Variants in SLIT2 observed in about 807,000 individuals in gnomAD.
SLIT2 encodes slit homolog 2 protein.
Under a neutral mutation model 185.7 loss-of-function variants are expected in SLIT2, and 41 were observed. The observed-to-expected ratio is 0.22, with a 90% CI of 0.17 to 0.29. SLIT2 has a LOEUF of 0.29. Among genes scored for constraint, SLIT2 ranks in the 10% least tolerant of loss-of-function variants. The pLI, the probability that SLIT2 is intolerant of heterozygous loss-of-function variation, is 1.00. For missense variants in SLIT2, 1,571 were observed against 1,909.0 expected (o/e 0.82, Z 3.30); for synonymous variants, 693 against 680.2 (o/e 1.02, Z -0.29).
At chr4:20,303,934 A>G (rs1023274553) in intron 4 of SLIT2, among the ~76,000 whole-genome samples, 2 of 152,220 alleles carry the variant, frequency 1.3e-5, no homozygotes, top group African/African-American at 2.4e-5. Context: ...ATGCCACACT[A>G]CATGAGGTGA....
chr4:20,356,310 ATAT>A (rs1722318419), intron 4 of SLIT2, among the ~76,000 whole-genome samples: 1 of 152,198 alleles, frequency 6.6e-6, no homozygotes, highest in Non-Finnish European at 1.5e-5. Flanking sequence ...CCCAGGTCAA[ATAT>A]CCCAGAATAT....
At chr4:20,282,936 G>C (rs1714915392) in intron 4 of SLIT2, among the ~76,000 whole-genome samples, 1 of 152,156 alleles carries the variant, frequency 6.6e-6, no homozygotes, top group Admixed American at 6.5e-5. Flanking sequence ...ACTTTTAATA[G>C]TGCATTGGCT....
chr4:20,401,123 T>C (rs76499801), intron 4 of SLIT2, among the ~76,000 whole-genome samples: 153 of 151,936 alleles, frequency 1.0e-3, no homozygotes, highest in African/African-American at 3.4e-3. Context: ...CATCATCTTC[T>C]GACTAAGGAT....
intron 9 of SLIT2, among the ~76,000 whole-genome samples, chr4:20,510,236 T>C (rs913862430): frequency 7.2e-5 from 11 of 152,154 alleles, no homozygotes; most frequent in Non-Finnish European, 1.3e-4. Flanking sequence ...TTGTACAAAG[T>C]CCAGACTTAA....
rs376006849 is a variant in SLIT2, at chr4:20,554,250, C to A, written c.2725+282C>A. 6.7e-5 allele frequency: 35 copies of A among 525,458 alleles called. No homozygotes were observed. The East Asian group carries it at 9.5e-4, about 14-fold the overall frequency. 32.5% of individuals were successfully genotyped at this position (525,458 alleles called of 1,614,324 possible). On this transcript the variant is annotated intron_variant, in intron 26 of 36. Transcript: ENST00000504154. ...CAATTTCTGGAAATTCCTTTCATAG[C>A]CTCTAACAAGTCAAATGTTTTGCTT...
chr4:20,578,921 T>C lies in SLIT2; in HGVS notation c.3088+9917T>C, dbSNP rs571886352. 3.9e-5 allele frequency among the ~76,000 whole-genome samples: 6 copies of C among 152,268 alleles called. No homozygotes were observed. In the East Asian group the frequency reaches 1.2e-3, roughly 29 times the overall value. Reference sequence around the variant, plus strand: ...TTTGATAAGCAGGCTTCCACCTTTTTGATAAGCAGGCTTTGAGGACTAAAT... The same window carrying C: ...TTTGATAAGCAGGCTTCCACCTTTTCGATAAGCAGGCTTTGAGGACTAAAT... On this transcript the variant is annotated intron_variant, in intron 29 of 36. Transcript: ENST00000504154.
intron 4 of SLIT2, among the ~76,000 whole-genome samples, chr4:20,395,677 A>G (rs1388576813): frequency 1.3e-5 from 2 of 152,024 alleles, no homozygotes; most frequent in African/African-American, 2.4e-5. Context: ...ATAAATAGCT[A>G]CATGCTAGCT....
intron 4 of SLIT2, among the ~76,000 whole-genome samples, chr4:20,396,248 G>C (rs1201136134): frequency 6.6e-6 from 1 of 151,820 alleles, no homozygotes; most frequent in Non-Finnish European, 1.5e-5. Flanking sequence ...GCCTTATTAT[G>C]TGCAAGATAC....
intron 4 of SLIT2, among the ~76,000 whole-genome samples, chr4:20,371,906 C>T (rs957963665): frequency 6.6e-6 from 1 of 151,662 alleles, no homozygotes; most frequent in East Asian, 2.0e-4. Context: ...AGGAAGAGCT[C>T]CAAAGAAATA....
At chr4:20,608,879 C>T (rs1319240732) in intron 33 of SLIT2, among the ~76,000 whole-genome samples, 3 of 152,168 alleles carry the variant, frequency 2.0e-5, no homozygotes, top group East Asian at 1.9e-4. Flanking sequence ...CTATCACATG[C>T]TCCCATGTTT....
At chr4:20,400,535 C>CT (rs941266199) in intron 4 of SLIT2, among the ~76,000 whole-genome samples, 42 of 147,798 alleles carry the variant, frequency 2.8e-4, no homozygotes, top group Admixed American at 4.8e-4. Context: ...GAGCATGAGA[C>CT]TTTTTTTTTT....
intron 26 of SLIT2, among the ~76,000 whole-genome samples, chr4:20,564,029 A>C (rs1206523758): frequency 6.6e-6 from 1 of 151,752 alleles, no homozygotes; most frequent in Non-Finnish European, 1.5e-5. Flanking sequence ...TCAAGTGTGG[A>C]AAATTCTGCC....
intron 11 of SLIT2, among the ~76,000 whole-genome samples, chr4:20,515,572 G>T (rs937484287): frequency 6.6e-6 from 1 of 151,856 alleles, no homozygotes; most frequent in Non-Finnish European, 1.5e-5. Flanking sequence ...TTTACTATAG[G>T]TTTTCAATGA....
At chr4:20,466,042 A>T (rs1714315410) in intron 4 of SLIT2, among the ~76,000 whole-genome samples, 1 of 152,110 alleles carries the variant, frequency 6.6e-6, no homozygotes, top group African/African-American at 2.4e-5. Context: ...AATAGTAGAA[A>T]CACTACTAAA....
chr4:20,611,722 A>G (rs929847890), intron 34 of SLIT2, among the ~76,000 whole-genome samples: 2 of 152,216 alleles, frequency 1.3e-5, no homozygotes, highest in Non-Finnish European at 2.9e-5. Flanking sequence ...AGCACATGCT[A>G]TGTGCCCAAC....
intron 4 of SLIT2, among the ~76,000 whole-genome samples, chr4:20,343,883 G>A (rs1037318988): frequency 4.0e-5 from 6 of 150,356 alleles, no homozygotes; most frequent in African/African-American, 9.8e-5. Flanking sequence ...ATGGAGTCTC[G>A]CTCTGTTGTC....
chr4:20,270,776 A>T (rs1157395485), intron 4 of SLIT2, among the ~76,000 whole-genome samples: 1 of 151,890 alleles, frequency 6.6e-6, no homozygotes, highest in East Asian at 1.9e-4. Context: ...TTTACATGAG[A>T]TTTGACATCA....
At chr4:20,609,828 GA>G (rs34230938) in intron 33 of SLIT2, among the ~76,000 whole-genome samples, 184 bp from the exon 34 acceptor site, 2 of 152,264 alleles carry the variant, frequency 1.3e-5, no homozygotes, top group South Asian at 4.1e-4. Flanking sequence ...CTGAGAAACT[GA>G]AATCAATCAC....
chr4:20,424,934 A>G lies in SLIT2; in HGVS notation c.396-42818A>G, dbSNP rs147307838. On this transcript the variant is annotated intron_variant, in intron 4 of 36. Transcript: ENST00000504154. The stretch of plus-strand genomic sequence containing the variant: ...TTGCAAGTCCAAATAAAGTGTGTCT[A>G]TATATTTTTGGTTTACATATTTATT... 8.7e-3 allele frequency among the ~76,000 whole-genome samples: 1,326 copies of G among 152,220 alleles called. 10 individuals are homozygous for G. The highest frequency in any genetic ancestry group is 0.013 in the Non-Finnish European group (917 of 67,976).
Sources: allele counts gnomAD v4.1 joint callset (sites outside exome capture counted in the v4.1 genomes callset), GRCh38; gene constraint gnomAD v4.1.1; transcripts MANE v1.5; gene names NCBI Gene and HGNC (gene_info 2026-07-23, HGNC 2026-07-21).